The following ADCY2 variants were observed in gnomAD, a reference collection of about 807,000 sequenced individuals.
ADCY2 encodes adenylate cyclase type 2.
Under a neutral mutation model 125.2 loss-of-function variants are expected in ADCY2, and 31 were observed. The ratio of observed to expected loss-of-function variants is 0.25; its 90% CI spans 0.19 to 0.33. ADCY2 has a LOEUF of 0.33. ADCY2 is among the 10% of genes least tolerant of loss of function. ADCY2 has a pLI of 1.00. For missense variants in ADCY2, 904 were observed against 1,418.2 expected, an observed-to-expected ratio of 0.64 and a Z score of 5.82; for synonymous variants, 512 against 548.4, an observed-to-expected ratio of 0.93 and a Z score of 0.93.
At chr5:7,612,574 G>T (rs953722088) in intron 3 of ADCY2, among the ~76,000 whole-genome samples, 5 of 152,200 alleles carry the variant, frequency 3.3e-5, no homozygotes, top group African/African-American at 9.7e-5. Flanking sequence ...TGCTGTATTT[G>T]TCAGTCATTG....
At chr5:7,777,781 G>A (rs902058309) in intron 18 of ADCY2, among the ~76,000 whole-genome samples, 2 of 152,146 alleles carry the variant, frequency 1.3e-5, no homozygotes, top group African/African-American at 4.8e-5. Context: ...ACTTCGTATC[G>A]ATGAATAGTT....
intron 4 of ADCY2, among the ~76,000 whole-genome samples, chr5:7,672,741 G>A (rs1443979871): frequency 6.6e-6 from 1 of 152,160 alleles, no homozygotes; most frequent in East Asian, 1.9e-4. Context: ...CACAAATCAA[G>A]TTTTATTGGA....
intron 4 of ADCY2, among the ~76,000 whole-genome samples, chr5:7,661,110 G>T (rs1284689748): frequency 1.3e-5 from 2 of 152,066 alleles, no homozygotes; most frequent in Non-Finnish European, 2.9e-5. Context: ...TTGGACAGGG[G>T]TATATATCTC....
chr5:7,442,458 C>T (rs1200064718), intron 2 of ADCY2, among the ~76,000 whole-genome samples: 3 of 152,054 alleles, frequency 2.0e-5, no homozygotes, highest in South Asian at 2.1e-4. Context: ...TTTTTGGAGG[C>T]GAGGACAAAA....
chr5:7,791,051 T>TGGG (rs1457427912), intron 20 of ADCY2, among the ~76,000 whole-genome samples: 12 of 137,346 alleles, frequency 8.7e-5, no homozygotes, highest in African/African-American at 2.8e-4. Context: ...AGTTTTTTTT[T>TGGG]GGGGGGGTGT....
intron 12 of ADCY2, among the ~76,000 whole-genome samples, chr5:7,718,145 A>ATTTTT (rs59353850): frequency 0.014 from 1,604 of 115,298 alleles, 67 homozygotes; most frequent in African/African-American, 0.037. Flanking sequence ...CCTGTTTTAG[A>ATTTTT]TTTTTTTTTT....
intron 2 of ADCY2, among the ~76,000 whole-genome samples, chr5:7,433,861 G>A (rs1561023318): frequency 6.6e-6 from 1 of 151,988 alleles, no homozygotes; most frequent in Non-Finnish European, 1.5e-5. Context: ...ATTAACAAAA[G>A]AAAAAAATTG....
intron 3 of ADCY2, among the ~76,000 whole-genome samples, chr5:7,541,907 T>C (rs1735008564): frequency 6.6e-6 from 1 of 152,232 alleles, no homozygotes; most frequent in South Asian, 2.1e-4. Context: ...TACTATGAAA[T>C]GCAACTATTT....
At chr5:7,749,275 A>AT (rs554905884) in intron 15 of ADCY2, among the ~76,000 whole-genome samples, 5 of 152,070 alleles carry the variant, frequency 3.3e-5, no homozygotes, top group Non-Finnish European at 5.9e-5. Context: ...ACATTTGATA[A>AT]TTTTTTTAAG....
intron 12 of ADCY2, among the ~76,000 whole-genome samples, chr5:7,723,782 G>A (rs1418351406): frequency 7.2e-5 from 11 of 151,802 alleles, no homozygotes; most frequent in South Asian, 2.1e-4. Flanking sequence ...TTAGCCAGAC[G>A]TGGTGGCATG....
In ADCY2 at chr5:7,695,922, C is replaced by T; in HGVS notation, c.981+59C>T. 5.5e-6 allele frequency: 6 copies of T among 1,100,892 alleles called. No homozygotes were observed. The South Asian group carries it at 7.4e-5, about 14-fold the overall frequency. 68.2% of individuals were successfully genotyped at this position (1,100,892 alleles called of 1,614,324 possible). A position where few individuals can be genotyped will look rare whatever the true frequency, so the allele number is the denominator to read the frequency against. ...TTTCTAAACTCTTGGTTTCGTTTTTCTTCATCCACCTATCAATAGTTTACT... is the reference window on the plus strand; with the variant it reads ...TTTCTAAACTCTTGGTTTCGTTTTTTTTCATCCACCTATCAATAGTTTACT... On this transcript the variant is annotated intron_variant, in intron 6 of 24. Coordinates refer to ENST00000338316, the MANE Select transcript of ADCY2 (RefSeq NM_020546.3).
chr5:7,447,313 A>G (rs999995998), intron 2 of ADCY2, among the ~76,000 whole-genome samples: 2 of 152,070 alleles, frequency 1.3e-5, no homozygotes, highest in Non-Finnish European at 2.9e-5. Context: ...ACTGCCTGTG[A>G]CCCTGCCTGG....
At chr5:7,513,688 G>A (rs1744159707) in intron 2 of ADCY2, among the ~76,000 whole-genome samples, 1 of 152,116 alleles carries the variant, frequency 6.6e-6, no homozygotes, top group African/African-American at 2.4e-5. Context: ...GGCATTTCTA[G>A]TTGTATTCTG....
intron 15 of ADCY2, among the ~76,000 whole-genome samples, chr5:7,744,407 C>T (rs1742534404): frequency 6.6e-6 from 1 of 152,068 alleles, no homozygotes; most frequent in African/African-American, 2.4e-5. Context: ...AAAAGTAAAC[C>T]TAATACATTG....
At chr5:7,680,633 A>C (rs1310436830) in intron 4 of ADCY2, among the ~76,000 whole-genome samples, 2 of 152,248 alleles carry the variant, frequency 1.3e-5, no homozygotes, top group Non-Finnish European at 2.9e-5. Context: ...ACTCAGATTC[A>C]ATAAGCGAGT....
At chr5:7,776,193 TAAAA>T (rs11332766) in intron 18 of ADCY2, among the ~76,000 whole-genome samples, 5 of 91,528 alleles carry the variant, frequency 5.5e-5, no homozygotes, top group Admixed American at 1.3e-4. Flanking sequence ...GTGAGATCCT[TAAAA>T]AAAAAAAAAA....
chr5:7,741,638 TCAC>T (rs1468392273), intron 14 of ADCY2, among the ~76,000 whole-genome samples: 3 of 147,474 alleles, frequency 2.0e-5, no homozygotes, highest in Non-Finnish European at 4.5e-5. Context: ...ACCATCATCA[TCAC>T]CATCACCATC....
At position 7,396,444 on chromosome 5, in the gene ADCY2, C is replaced by T. The variant is rs770761749; in HGVS notation, c.148C>T (p.Leu50=). Residue 50 remains leucine, a synonymous_variant, in exon 1 of 25, where the codon CTG becomes TTG. Coordinates refer to ENST00000338316, the MANE Select transcript of ADCY2 (RefSeq NM_020546.3). This position sits in a 1 kb window ranked among gnomAD's most constrained non-coding sequence, Gnocchi z 5.7. ...MSQQHPLIVF[L]LLIVMGSCLA... ...CCAGCAGCACCCGCTCATCGTCTTC[C>T]TGCTGCTCATCGTCATGGGCTCCTG... The T allele has an allele frequency of 2.5e-6, 4 of 1,578,426 alleles. No homozygotes were observed. The South Asian group carries it at 3.4e-5, about 13-fold the overall frequency.
chr5:7,507,943 A>C (rs780715476), intron 2 of ADCY2, among the ~76,000 whole-genome samples: 306 of 152,326 alleles, frequency 2.0e-3, no homozygotes, highest in Non-Finnish European at 3.6e-3. Context: ...AAAACTTGCC[A>C]ATAAAGCCTG....
Sources: allele counts gnomAD v4.1 joint callset (sites outside exome capture counted in the v4.1 genomes callset), GRCh38; gene constraint gnomAD v4.1.1; non-coding constraint Gnocchi (gnomAD v3.1); transcripts MANE v1.5; gene names NCBI Gene and HGNC (gene_info 2026-07-23, HGNC 2026-07-21).